Variants in PPP1R21 observed in about 807,000 individuals in gnomAD.
PPP1R21 encodes the protein KLRAQ motif containing 1.
Under a neutral mutation model 112.8 loss-of-function variants are expected in PPP1R21, and 85 were observed. The observed-to-expected ratio is 0.75, with a 90% confidence interval of 0.63 to 0.90. The LOEUF (loss-of-function observed/expected upper bound fraction) is 0.90, where lower values mean the gene tolerates loss of function less well. Ranked by LOEUF, PPP1R21 falls within the 40% of genes least tolerant of loss-of-function variation. The pLI, the probability that PPP1R21 is intolerant of heterozygous loss-of-function variation, is 0.00. For missense variants in PPP1R21, 1,199 were observed against 901.5 expected (o/e 1.33, Z -4.23); for synonymous variants, 381 against 322.3 (o/e 1.18, Z -1.95).
intron 11 of PPP1R21, chr2:48,471,600 T>C: frequency 4.7e-6 from 2 of 421,810 alleles, no homozygotes; most frequent in Non-Finnish European, 4.2e-6. Context: ...TGTACTGTGG[T>C]TACCATTATC....
chr2:48,470,179 C>T (rs1668437468), intron 9 of PPP1R21, among the ~76,000 whole-genome samples: 1 of 152,010 alleles, frequency 6.6e-6, no homozygotes, highest in African/African-American at 2.4e-5. Context: ...ATTCTTCATA[C>T]TGAATTAGTC....
rs1335944727 is a variant in PPP1R21, at chr2:48,451,191, A to T, written c.126+115A>T. ...CAACTCTGACACTGATTCACTAGGGATAGGGGACAGTAATACAGTCTTTTG... is the reference window on the plus strand; with the variant it reads ...CAACTCTGACACTGATTCACTAGGGTTAGGGGACAGTAATACAGTCTTTTG... On this transcript the variant is annotated intron_variant, in intron 2 of 21. Coordinates refer to ENST00000294952, the MANE Select transcript of PPP1R21 (RefSeq NM_001135629.3). 3 of 788,016 alleles carry T rather than the reference A, an allele frequency of 3.8e-6. No individual in the cohort carries two copies. The Admixed American group carries it at 5.5e-5, about 15-fold the overall frequency. The allele number at this position is 788,016 out of a possible 1,614,324, so 48.8% of individuals were successfully genotyped here.
chr2:48,454,368 T>A (rs1667618055), intron 2 of PPP1R21, among the ~76,000 whole-genome samples: 1 of 152,250 alleles, frequency 6.6e-6, no homozygotes, highest in Non-Finnish European at 1.5e-5. Flanking sequence ...TCACGATCTG[T>A]TACTTTAGTA....
intron 19 of PPP1R21, among the ~76,000 whole-genome samples, chr2:48,507,610 G>A (rs971564011): frequency 2.6e-5 from 4 of 151,916 alleles, no homozygotes; most frequent in Non-Finnish European, 4.4e-5. Context: ...CTCATGATCC[G>A]CTGGCCTCGA....
At chr2:48,509,326 G>A (rs1670527772) in intron 19 of PPP1R21, among the ~76,000 whole-genome samples, 1 of 151,730 alleles carries the variant, frequency 6.6e-6, no homozygotes, top group Non-Finnish European at 1.5e-5. Context: ...ATAGTGCGTG[G>A]TCAGAAGCTC....
At chr2:48,450,886 C>T in intron 1 of PPP1R21, 122 bp from the exon 2 acceptor site, 6 of 719,286 alleles carry the variant, frequency 8.3e-6, no homozygotes, top group South Asian at 3.4e-5. Context: ...TTTTTGTTCT[C>T]ATATATATGT....
At position 48,480,434 on chromosome 2, in the gene PPP1R21, A is replaced by G. The variant is rs183659735; in HGVS notation, c.1318+418A>G. ...ACACTAACTTTCCACCATCCTGTGC[A>G]TTTTAATATTTTAAATGCCTTTTAA... On this transcript the variant is annotated intron_variant, in intron 13 of 21. Coordinates refer to ENST00000294952, the MANE Select transcript of PPP1R21 (RefSeq NM_001135629.3). Among the ~76,000 whole-genome samples the G allele has an allele frequency of 3.0e-3, 460 of 152,340 alleles. 14 individuals carry two copies. The highest frequency in any genetic ancestry group is 9.6e-4 in the East Asian group (5 of 5,190).
chr2:48,474,896 C>A, intron 12 of PPP1R21, 77 bp downstream of exon 12: 1 of 1,289,068 alleles, frequency 7.8e-7, no homozygotes, highest in Non-Finnish European at 1.1e-6. Context: ...GATGGTTTAG[C>A]TAAGTAGAGT....
chr2:48,479,075 G>T (rs1668886964), intron 12 of PPP1R21, among the ~76,000 whole-genome samples: 1 of 152,144 alleles, frequency 6.6e-6, no homozygotes, highest in Non-Finnish European at 1.5e-5. Context: ...TGATGAGCTG[G>T]GGCAAGGGTG....
chr2:48,483,573 C>T (rs992784482), intron 13 of PPP1R21, among the ~76,000 whole-genome samples: 37 of 152,190 alleles, frequency 2.4e-4, no homozygotes, highest in African/African-American at 8.0e-4. Context: ...AGAGGCATCA[C>T]GTTAACTGAC....
intron 3 of PPP1R21, among the ~76,000 whole-genome samples, chr2:48,457,718 T>G (rs945622808): frequency 3.3e-5 from 5 of 152,234 alleles, no homozygotes; most frequent in African/African-American, 9.6e-5. Context: ...TACAATTTCT[T>G]ATGGAGTTTA....
In PPP1R21 at chr2:48,507,314, A is replaced by T; in HGVS notation, c.2014A>T (p.Met672Leu). The T allele has an allele frequency of 5.0e-6, 8 of 1,586,264 alleles. No individual in the cohort carries two copies. The highest frequency in any genetic ancestry group is 6.8e-6 in the Non-Finnish European group (8 of 1,170,522). The change falls in exon 19 of 22, where the codon ATG (methionine) becomes TTG (leucine). Residue 672 changes from methionine to leucine, a missense_variant. Physicochemically the swap from Met to Leu is conservative, Grantham distance 15. Transcript: ENST00000294952. ...TGAAGACTTAATTAAAAATCACTAC[A>T]TGGCAAGGATAGTGGAACTTACGTC... ...SREDLIKNHYMARIVELTSQL... is the reference protein window; with the variant it reads ...SREDLIKNHYLARIVELTSQL...
At chr2:48,457,883 G>C (rs1307856753) in intron 3 of PPP1R21, 5 of 416,118 alleles carry the variant, frequency 1.2e-5, no homozygotes, top group Non-Finnish European at 2.4e-5. Flanking sequence ...GCAAAGAATA[G>C]TAAGCCTTAT....
At chr2:48,509,984 T>G in intron 19 of PPP1R21, 31 bp from the exon 20 acceptor site, 1 of 1,541,270 alleles carries the variant, frequency 6.5e-7, no homozygotes, top group Non-Finnish European at 8.8e-7. Context: ...AAGTGCTCCC[T>G]CTAGTAATGG....
At chr2:48,496,924 A>C (rs960624020) in intron 16 of PPP1R21, among the ~76,000 whole-genome samples, 3 of 152,244 alleles carry the variant, frequency 2.0e-5, no homozygotes, top group Middle Eastern at 6.3e-3. Flanking sequence ...CAGGGAGGAC[A>C]TGGAAAGTCT....
intron 21 of PPP1R21, among the ~76,000 whole-genome samples, chr2:48,514,234 C>G (rs897580010): frequency 3.3e-5 from 5 of 151,860 alleles, no homozygotes; most frequent in Admixed American, 6.6e-5. Flanking sequence ...TACAGGCACC[C>G]GCCACCATGC....
At chr2:48,465,382 A>G (rs934360602) in intron 8 of PPP1R21, 111 bp from the exon 9 acceptor site, 4 of 1,011,258 alleles carry the variant, frequency 4.0e-6, no homozygotes, top group African/African-American at 1.6e-5. Context: ...AATTTAAAGT[A>G]AGGAATAATC....
Position 48,511,375 on chromosome 2 carries a change from T to C in PPP1R21, c.2220T>C (p.Asp740=), listed in dbSNP as rs1274950664. The part of the protein sequence containing the change: ...ELTTTKRSYE[D]QLSMMSDHLC... ...CAACTACCAAGAGGAGTTACGAGGATCAGTTAAGTATGATGAGTGACCACC... is the reference window on the plus strand; with the variant it reads ...CAACTACCAAGAGGAGTTACGAGGACCAGTTAAGTATGATGAGTGACCACC... The change falls in exon 21 of 22, where the codon GAT becomes GAC. Residue 740 remains aspartate (D), a synonymous_variant. Coordinates refer to ENST00000294952, the MANE Select transcript of PPP1R21 (RefSeq NM_001135629.3). 3.1e-6 allele frequency: 5 copies of C among 1,613,696 alleles called. No individual in the cohort carries two copies. The highest frequency in any genetic ancestry group is 4.2e-6 in the Non-Finnish European group (5 of 1,179,970).
intron 1 of PPP1R21, among the ~76,000 whole-genome samples, chr2:48,441,825 T>C (rs1185318873): frequency 6.6e-6 from 1 of 152,248 alleles, no homozygotes; most frequent in Non-Finnish European, 1.5e-5. Context: ...GGAAATTGAT[T>C]CAACAGTCAT....
Sources: allele counts gnomAD v4.1 joint callset (sites outside exome capture counted in the v4.1 genomes callset), GRCh38; gene constraint gnomAD v4.1.1; transcripts MANE v1.5; gene names NCBI Gene and HGNC (gene_info 2026-07-23, HGNC 2026-07-21).